ENG: variants seen among roughly 807,000 people sequenced by gnomAD.
The protein encoded by ENG is endoglin, also known as CD105 antigen.
ENG carries 17 observed loss-of-function variants against 71.0 expected under a neutral mutation model. The ratio of observed to expected loss-of-function variants is 0.24; its 90% CI spans 0.16 to 0.36. The LOEUF (loss-of-function observed/expected upper bound fraction) is 0.36. ENG is among the 10% of genes least tolerant of loss of function. ENG has a pLI of 1.00. For synonymous variants in ENG, 360 were observed against 366.9 expected, an observed-to-expected ratio of 0.98 and a Z score of 0.21; for missense variants, 749 against 868.3, an observed-to-expected ratio of 0.86 and a Z score of 1.73.
chr9:127,823,733 G>A (rs1462886503), intron 8 of ENG, among the ~76,000 whole-genome samples: 1 of 136,064 alleles, frequency 7.3e-6, no homozygotes. Context: ...CCAGGCTGAA[G>A]TTTAGTGGTG....
intron 12 of ENG, chr9:127,817,671 A>G (rs1288782961): frequency 2.9e-6 from 1 of 347,582 alleles, no homozygotes; most frequent in Non-Finnish European, 5.5e-6. Flanking sequence ...ATTGCCTGAG[A>G]GTGGGGGTCA....
chr9:127,820,102 C>T, intron 8 of ENG, 65 bp from the exon 9 acceptor site: 2 of 1,581,340 alleles, frequency 1.3e-6, no homozygotes, highest in South Asian at 1.1e-5. Flanking sequence ...CACACCCCAG[C>T]ACCAAGGACT....
At chr9:127,823,067 T>C (rs527321533) in intron 8 of ENG, among the ~76,000 whole-genome samples, 2 of 152,204 alleles carry the variant, frequency 1.3e-5, no homozygotes, top group South Asian at 4.1e-4. Flanking sequence ...TCTCAAACTC[T>C]TGAGCTCCGG....
intron 2 of ENG, among the ~76,000 whole-genome samples, chr9:127,833,314 GA>G (rs1214189662): frequency 2.0e-5 from 3 of 151,946 alleles, no homozygotes; most frequent in Non-Finnish European, 4.4e-5. Flanking sequence ...CTGAGGTTGG[GA>G]GTTCAAGACC....
At chr9:127,847,774 C>T (rs1045556738) in intron 1 of ENG, among the ~76,000 whole-genome samples, 4 of 152,078 alleles carry the variant, frequency 2.6e-5, no homozygotes, top group Non-Finnish European at 5.9e-5. Context: ...GTTCAGTACC[C>T]CCGGGCCACT....
intron 12 of ENG, 187 bp downstream of exon 12, chr9:127,817,933 T>A: frequency 1.2e-6 from 1 of 806,390 alleles, no homozygotes; most frequent in Non-Finnish European, 1.9e-6. Context: ...GACACAGCAG[T>A]CCCACCAGAA....
chr9:127,842,286 G>A (rs1424582462), intron 2 of ENG, among the ~76,000 whole-genome samples: 7 of 150,570 alleles, frequency 4.6e-5, no homozygotes, highest in Non-Finnish European at 1.0e-4. Context: ...GAGTGCAGTG[G>A]TGCAATGTTG....
intron 3 of ENG, among the ~76,000 whole-genome samples, chr9:127,828,944 C>A (rs1317748061): frequency 6.6e-6 from 1 of 152,140 alleles, no homozygotes; most frequent in African/African-American, 2.4e-5. Flanking sequence ...CATCTGGGGG[C>A]CACCTCCCAG....
At chr9:127,826,781 A>G in intron 3 of ENG, 109 bp from the exon 4 acceptor site, 1 of 1,416,776 alleles carries the variant, frequency 7.1e-7, no homozygotes, top group Non-Finnish European at 9.6e-7. Context: ...GGCTGAGAGA[A>G]AGAGGCCGGA....
In ENG at chr9:127,825,359, T is replaced by TGC. The variant is rs1221530128; in HGVS notation, c.690-4_690-3dup. 3.1e-6 allele frequency: 5 copies of TGC among 1,608,152 alleles called. No individual in the cohort carries two copies. In the East Asian group the frequency reaches 6.7e-5, roughly 22 times the overall value. ...ACCTTCACCGTCACCGTCCGGGGCC[T>TGC]GCGGGGAGACAGACGCGGATGGAAC... On this transcript the variant is annotated splice_region_variant and splice_polypyrimidine_tract_variant and intron_variant, in intron 5 of 14. Transcript: ENST00000373203.
At chr9:127,852,439 C>T (rs551683125) in intron 1 of ENG, among the ~76,000 whole-genome samples, 9 of 152,306 alleles carry the variant, frequency 5.9e-5, no homozygotes, top group Admixed American at 5.9e-4. Flanking sequence ...CTCAGCTTCC[C>T]AGACCATAAA....
At chr9:127,820,702 T>G (rs1413122138) in intron 8 of ENG, among the ~76,000 whole-genome samples, 1 of 150,322 alleles carries the variant, frequency 6.7e-6, no homozygotes. Flanking sequence ...GGTGGCGGGC[T>G]CCCGTAGTCC....
chr9:127,818,616 C>G (rs1164792248), intron 11 of ENG, 100 bp downstream of exon 11: 1 of 1,446,796 alleles, frequency 6.9e-7, no homozygotes, highest in East Asian at 2.3e-5. Flanking sequence ...TCCCTCCTGA[C>G]TCTGGGAGTC....
chr9:127,829,961 G>T, intron 2 of ENG, 134 bp from the exon 3 acceptor site: 3 of 1,237,158 alleles, frequency 2.4e-6, no homozygotes, highest in Non-Finnish European at 3.5e-6. Context: ...ACCTCCCAGT[G>T]CCCAGGGTAG....
rs1399602148 is a variant in ENG at position 127,838,676 on chromosome 9, C to T, written c.219+4418G>A. On this transcript the variant is annotated intron_variant, in intron 2 of 14. Transcript: ENST00000373203. The surrounding 1 kb of genome is among the most constrained non-coding windows in gnomAD (Gnocchi z 4.3). ...TGCATTTGTTAGGAGGATAGCAGATCGGCCCAGTCAGCCTGACGGGAATTG... is the reference window on the plus strand; with the variant it reads ...TGCATTTGTTAGGAGGATAGCAGATTGGCCCAGTCAGCCTGACGGGAATTG... Among the ~76,000 whole-genome samples the T allele has an allele frequency of 3.9e-5, 6 of 152,140 alleles. No individual in the cohort carries two copies. The highest frequency in any genetic ancestry group is 3.9e-4 in the Admixed American group (6 of 15,276).
At chr9:127,853,537 A>G (rs2131935335) in intron 1 of ENG, among the ~76,000 whole-genome samples, 1 of 152,230 alleles carries the variant, frequency 6.6e-6, no homozygotes, top group Admixed American at 6.5e-5. Flanking sequence ...CCCCCAGGCC[A>G]AGGAGCCCCA....
chr9:127,818,806 G>A lies in ENG; in HGVS notation c.1338C>T (p.Asp446=), dbSNP rs909233489. 3.1e-6 allele frequency: 5 copies of A among 1,614,010 alleles called. No homozygotes were observed. In the South Asian group the frequency reaches 4.4e-5, roughly 14 times the overall value. Residue 446 remains aspartate, a synonymous_variant, in exon 11 of 15, where the codon GAC becomes GAT. Transcript: ENST00000373203. ...AGAGGCCCAGCTGGAAAGAGAGGCT[G>A]TCCATGTTGAGGCAGTGCACCTTTT... ...QRKKVHCLNM[D]SLSFQLGLYL... is the part of the protein sequence containing the mutation.
intron 1 of ENG, 120 bp downstream of exon 1, chr9:127,854,169 G>C: frequency 1.9e-6 from 2 of 1,032,922 alleles, no homozygotes; most frequent in Admixed American, 2.1e-5. Context: ...ACCCTCCAGA[G>C]CCCCAAGGAT....
chr9:127,831,701 CTT>C (rs1830770442), intron 2 of ENG, among the ~76,000 whole-genome samples: 2 of 69,926 alleles, frequency 2.9e-5, no homozygotes, highest in African/African-American at 1.1e-4. Context: ...TTTTTTTTTT[CTT>C]TCTTTTGAGA....
Sources: gnomAD v4.1 joint callset for allele counts (sites outside exome capture counted in the v4.1 genomes callset) on GRCh38, gnomAD v4.1.1 for gene constraint, Gnocchi (gnomAD v3.1) non-coding constraint, MANE v1.5 for transcripts, NCBI Gene and HGNC (gene_info 2026-07-23, HGNC 2026-07-21) for gene names.